Variants in SEPTIN5 observed in about 807,000 individuals in gnomAD.
SEPTIN5 encodes the protein septin-5.
Under a neutral mutation model 51.2 loss-of-function variants are expected in SEPTIN5, and 16 were observed. That is an observed-to-expected ratio of 0.31 (90% CI 0.21 to 0.47). The LOEUF is 0.47. Ranked by LOEUF, SEPTIN5 falls within the 20% of genes least tolerant of loss-of-function variation. The pLI is 0.99. For synonymous variants in SEPTIN5, 208 were observed against 191.2 expected (o/e 1.09, Z -0.72); for missense variants, 376 against 500.3 (o/e 0.75, Z 2.37).
chr22:19,723,240 C>T lies in SEPTIN5; in HGVS notation c.*756C>T, dbSNP rs924432481. ...TGTTCCCACCCGCATGATCCCTTCC[C>T]GCCACACGATGCTCCGTTTTCTTCC... On this transcript the variant is annotated 3_prime_UTR_variant, in exon 12 of 12. Coordinates refer to ENST00000455784, the MANE Select transcript of SEPTIN5 (RefSeq NM_002688.6). 3 of 657,272 alleles carry T rather than the reference C, an allele frequency of 4.6e-6. No individual in the cohort carries two copies. Among genetic ancestry groups the T allele is most frequent in the Non-Finnish European group, 8.4e-6 (3 of 356,224 alleles). 40.7% of individuals were successfully genotyped at this position (657,272 alleles called of 1,614,324 possible).
chr22:19,717,399 C>T (rs1411772611), intron 2 of SEPTIN5: 1 of 467,062 alleles, frequency 2.1e-6, no homozygotes, highest in Admixed American at 2.4e-5. Context: ...GAGGGAGGCC[C>T]GGCTGGCAGG....
At position 19,714,666 on chromosome 22, in the gene SEPTIN5, C is replaced by A. The variant is rs970853812; in HGVS notation, c.43+35C>A. ...GCGCCTGCCCGCGTGCCCGCGCGCG[C>A]CTTTGTCCCCGCCGCCCGCGCGCCT... On this transcript the variant is annotated intron_variant, in intron 1 of 11. Coordinates refer to ENST00000455784, the MANE Select transcript of SEPTIN5 (RefSeq NM_002688.6). This position sits in a 1 kb window ranked among gnomAD's most constrained non-coding sequence, Gnocchi z 5.2. 1.3e-6 allele frequency: 2 copies of A among 1,516,420 alleles called. No homozygotes were observed. The highest frequency in any genetic ancestry group is 2.9e-5 in the African/African-American group (2 of 69,976). The allele number at this position is 1,516,420 out of a possible 1,614,324, so 93.9% of individuals were successfully genotyped here.
Position 19,719,690 on chromosome 22 carries a change from T to C in SEPTIN5, c.143T>C (p.Met48Thr), listed in dbSNP as rs2145789278. The change falls in exon 3 of 12, where the codon ATG becomes ACG. Residue 48 changes from methionine to threonine, a missense_variant. By Grantham distance (81) the Met-to-Thr change is moderately conservative (BLOSUM62 -1). Transcript: ENST00000455784. ...SVKKGFDFTL[M>T]VAGESGLGKS... is the part of the protein sequence containing the mutation. ...AAGAAAGGCTTTGACTTCACACTCA[T>C]GGTGGCTGGTGAGTGGGCCAGGCTC... 1 of 1,612,864 alleles carries C rather than the reference T, an allele frequency of 6.2e-7. No homozygotes were observed. Among genetic ancestry groups the C allele is most frequent in the South Asian group, 1.1e-5 (1 of 91,078 alleles).
chr22:19,718,988 C>A, intron 2 of SEPTIN5: 1 of 615,964 alleles, frequency 1.6e-6, no homozygotes, highest in Non-Finnish European at 2.3e-6. Flanking sequence ...GTGCCCTGTC[C>A]AGGCCTCACC....
chr22:19,714,823 G>C lies in SEPTIN5; in HGVS notation c.54+32G>C. 6.3e-7 allele frequency: 1 copy of C among 1,590,452 alleles called. No individual in the cohort carries two copies. Among genetic ancestry groups the C allele is most frequent in the South Asian group, 1.1e-5 (1 of 89,650 alleles). On this transcript the variant is annotated intron_variant, in intron 2 of 11. Coordinates refer to ENST00000455784, the MANE Select transcript of SEPTIN5 (RefSeq NM_002688.6). This position sits in a 1 kb window ranked among gnomAD's most constrained non-coding sequence, Gnocchi z 5.2. ...GCGCAGCGCCGCTCCCCCGCCGGGAGACCCGGCCGGCTGTCACCCATTGTG... is the reference window on the plus strand; with the variant it reads ...GCGCAGCGCCGCTCCCCCGCCGGGACACCCGGCCGGCTGTCACCCATTGTG...
At chr22:19,722,041 C>T (rs1936049997) in intron 10 of SEPTIN5, 84 bp downstream of exon 10, 3 of 1,516,218 alleles carry the variant, frequency 2.0e-6, no homozygotes, top group East Asian at 2.3e-5. Context: ...TGTCAGCCCA[C>T]CCAGACTTGA....
intron 2 of SEPTIN5, among the ~76,000 whole-genome samples, chr22:19,716,558 G>T (rs1935914009): frequency 6.6e-6 from 1 of 152,202 alleles, no homozygotes; most frequent in African/African-American, 2.4e-5. Flanking sequence ...AGTATCTTTT[G>T]TCACTTGGGG....
At position 19,723,151 on chromosome 22, in the gene SEPTIN5, G is replaced by A. The variant is rs1936085931; in HGVS notation, c.*667G>A. On this transcript the variant is annotated 3_prime_UTR_variant, in exon 12 of 12. Transcript: ENST00000455784. ...ACTCTCGGTGCCGTCCCCTGCCCTC[G>A]CTCGAGGCCTCTTCTCCCCAGCACC... is the stretch of plus-strand genomic sequence containing the variant. The A allele has an allele frequency of 8.9e-6, 5 of 559,714 alleles. No individual in the cohort carries two copies. Among genetic ancestry groups the A allele is most frequent in the South Asian group, 7.6e-5 (5 of 65,426 alleles). The allele number at this position is 559,714 out of a possible 1,614,324, so 34.7% of individuals were successfully genotyped here.
chr22:19,714,873 C>T lies in SEPTIN5; in HGVS notation c.54+82C>T. 6.7e-7 allele frequency: 1 copy of T among 1,489,880 alleles called. No individual in the cohort carries two copies. The highest frequency in any genetic ancestry group is 1.4e-5 in the African/African-American group (1 of 71,278). The allele number at this position is 1,489,880 out of a possible 1,614,324, so 92.3% of individuals were successfully genotyped here. A position where few individuals can be genotyped will look rare whatever the true frequency, so the allele number is the denominator to read the frequency against. On this transcript the variant is annotated intron_variant, in intron 2 of 11. Coordinates refer to ENST00000455784, the MANE Select transcript of SEPTIN5 (RefSeq NM_002688.6). This position sits in a 1 kb window ranked among gnomAD's most constrained non-coding sequence, Gnocchi z 5.2. ...GACACTAGCGCCTTGGGCGCCCAGG[C>T]GCGACCCCGCCCCCGCCGGCCCTCA...
Position 19,723,078 on chromosome 22 carries a change from C to A in SEPTIN5, c.*594C>A. 1.9e-6 allele frequency: 1 copy of A among 523,124 alleles called. No individual in the cohort carries two copies. Among genetic ancestry groups the A allele is most frequent in the Non-Finnish European group, 3.7e-6 (1 of 271,592 alleles). The allele number at this position is 523,124 out of a possible 1,614,324, so 32.4% of individuals were successfully genotyped here. A position where few individuals can be genotyped will look rare whatever the true frequency, so the allele number is the denominator to read the frequency against. ...TACACCCCTTCTCCACAGCCCGGCC[C>A]GACCTGGAGGGCCCCCGGGGCACTG... On this transcript the variant is annotated 3_prime_UTR_variant, in exon 12 of 12. Transcript: ENST00000455784.
chr22:19,718,561 C>T (rs759304549), intron 2 of SEPTIN5: 4 of 1,288,300 alleles, frequency 3.1e-6, no homozygotes, highest in East Asian at 5.7e-5. Flanking sequence ...CGGGGGTCGA[C>T]GATCCCCCGG....
At chr22:19,721,220 G>C (rs1936024678) in intron 8 of SEPTIN5, among the ~76,000 whole-genome samples, 1 of 152,220 alleles carries the variant, frequency 6.6e-6, no homozygotes, top group Non-Finnish European at 1.5e-5. Flanking sequence ...GCACACCCTG[G>C]CTCCCAGATT....
chr22:19,715,784 C>G (rs1270741814), intron 2 of SEPTIN5, among the ~76,000 whole-genome samples: 1 of 152,170 alleles, frequency 6.6e-6, no homozygotes, highest in Non-Finnish European at 1.5e-5. Flanking sequence ...TGCCATTCTC[C>G]TGGAAGGGAC....
rs1935952018 is a variant in SEPTIN5, at chr22:19,718,484, C to T, written c.55-1118C>T. ...GGCTCGGGTGCGGGAGCGGGGCCTG[C>T]CCGGACTGCGACGCCGCCACAGCTT... On this transcript the variant is annotated intron_variant, in intron 2 of 11. Transcript: ENST00000455784. The T allele has an allele frequency of 2.5e-6, 3 of 1,189,756 alleles. No individual in the cohort carries two copies. In the South Asian group the frequency reaches 1.2e-4, roughly 49 times the overall value. 73.7% of individuals were successfully genotyped at this position (1,189,756 alleles called of 1,614,324 possible). A position where few individuals can be genotyped will look rare whatever the true frequency, so the allele number is the denominator to read the frequency against.
chr22:19,721,960 G>C lies in SEPTIN5; in HGVS notation c.950+3G>C. 1.2e-6 allele frequency: 2 copies of C among 1,603,216 alleles called. No homozygotes were observed. The highest frequency in any genetic ancestry group is 1.7e-6 in the Non-Finnish European group (2 of 1,175,306). ...CACTGCATCCAGCAGATGACCAGGT[G>C]CGCGCCCCAGCCGCGAGCCAGACCT... On this transcript the variant is annotated splice_donor_region_variant and intron_variant, in intron 10 of 11. Coordinates refer to ENST00000455784, the MANE Select transcript of SEPTIN5 (RefSeq NM_002688.6).
In SEPTIN5 at chr22:19,720,783, G is replaced by T; in HGVS notation, c.631G>T (p.Asp211Tyr). 6.2e-7 allele frequency: 1 copy of T among 1,613,658 alleles called. No individual in the cohort carries two copies. Among genetic ancestry groups the T allele is most frequent in the Non-Finnish European group, 8.5e-7 (1 of 1,179,998 alleles). The change falls in exon 8 of 12, where the codon GAC becomes TAC. Residue 211 changes from aspartate to tyrosine, a missense_variant. By Grantham distance (160) the Asp-to-Tyr change is radical. Around this residue, in one of 2 missense-constraint regions of SEPTIN5, gnomAD observed 287 missense variants for 417.1 expected, o/e 0.69. Coordinates refer to ENST00000455784, the MANE Select transcript of SEPTIN5 (RefSeq NM_002688.6). The part of the protein sequence containing the change: ...KLKERIREEI[D>Y]KFGIHVYQFP... ...CCCACCACAGATCCGGGAGGAGATTGACAAGTTTGGGATCCATGTATACCA... is the reference window on the plus strand; with the variant it reads ...CCCACCACAGATCCGGGAGGAGATTTACAAGTTTGGGATCCATGTATACCA...
At chr22:19,718,148 C>A (rs980288471) in intron 2 of SEPTIN5, 1 of 153,166 alleles carries the variant, frequency 6.5e-6, no homozygotes, top group Non-Finnish European at 1.5e-5. Context: ...GGAAGCCGCG[C>A]AGCACCTCTT....
rs370608296 is a variant in SEPTIN5 at position 19,714,624 on chromosome 22, G to A, written c.36G>A (p.Ala12=). Residue 12 remains alanine (A), a synonymous_variant, in exon 1 of 12, where the codon GCG becomes GCA. Transcript: ENST00000455784. The surrounding 1 kb of genome is among the most constrained non-coding windows in gnomAD (Gnocchi z 5.2). ...STGLRYKSKL[A]TPEDKQDIDK... ...GCCTGCGGTACAAGAGCAAGCTGGCGACCCCAGGTGAGCCCAGCGCCTGCC... is the reference window on the plus strand; with the variant it reads ...GCCTGCGGTACAAGAGCAAGCTGGCAACCCCAGGTGAGCCCAGCGCCTGCC... 9.3e-3 allele frequency: 13,979 copies of A among 1,505,664 alleles called. 93 individuals carry two copies. The highest frequency in any genetic ancestry group is 0.011 in the Non-Finnish European group (12,578 of 1,132,702). 93.3% of individuals were successfully genotyped at this position (1,505,664 alleles called of 1,614,324 possible).
chr22:19,720,494 C>A, intron 6 of SEPTIN5, 40 bp downstream of exon 6: 1 of 1,613,326 alleles, frequency 6.2e-7, no homozygotes. Context: ...GAGTGCAGCC[C>A]CTACAATATG....
Sources: allele counts gnomAD v4.1 joint callset (sites outside exome capture counted in the v4.1 genomes callset), GRCh38; gene constraint gnomAD v4.1.1; regional missense constraint gnomAD v4.1.1; non-coding constraint Gnocchi (gnomAD v3.1); transcripts MANE v1.5; gene names NCBI Gene and HGNC (gene_info 2026-07-23, HGNC 2026-07-21).